TMPRSS4: variants seen among roughly 807,000 people sequenced by gnomAD.
TMPRSS4 encodes transmembrane serine protease 4.
Under a neutral mutation model 56.4 loss-of-function variants are expected in TMPRSS4, and 45 were observed. The ratio of observed to expected loss-of-function variants is 0.80; its 90% confidence interval spans 0.63 to 1.02. The LOEUF (loss-of-function observed/expected upper bound fraction) is 1.02. Ranked by LOEUF, TMPRSS4 falls within the 50% of genes least tolerant of loss-of-function variation. The pLI, the probability that TMPRSS4 is intolerant of heterozygous loss-of-function variation, is 0.00. For synonymous variants in TMPRSS4, 205 were observed against 211.0 expected (o/e 0.97, Z 0.25); for missense variants, 546 against 556.7 (o/e 0.98, Z 0.19).
At chr11:118,090,094 A>G (rs7924314) in intron 1 of TMPRSS4, among the ~76,000 whole-genome samples, 99,732 of 151,986 alleles carry the variant, frequency 0.66, 33,452 homozygotes, top group South Asian at 0.77. Flanking sequence ...CACCCGCCTC[A>G]GCCTCCCAAA....
At chr11:118,085,982 G>T (rs569421338) in intron 1 of TMPRSS4, among the ~76,000 whole-genome samples, 1 of 152,340 alleles carries the variant, frequency 6.6e-6, no homozygotes, top group South Asian at 2.1e-4. Flanking sequence ...ATCGCAGAGG[G>T]ATTCCTAAGC....
chr11:118,104,658 C>G (rs933722390), intron 4 of TMPRSS4, 33 bp from the exon 5 acceptor site: 2 of 1,613,846 alleles, frequency 1.2e-6, no homozygotes, highest in Non-Finnish European at 1.7e-6. Flanking sequence ...TTGGGCCCCC[C>G]GTTCCATCTA....
At chr11:118,113,806 C>G (rs946907069) in intron 9 of TMPRSS4, among the ~76,000 whole-genome samples, 1 of 152,206 alleles carries the variant, frequency 6.6e-6, no homozygotes. Flanking sequence ...GCCAAGGAGT[C>G]ATTGTGCCCC....
At chr11:118,093,341 T>A (rs953483468) in intron 1 of TMPRSS4, among the ~76,000 whole-genome samples, 1 of 152,276 alleles carries the variant, frequency 6.6e-6, no homozygotes, top group South Asian at 2.1e-4. Flanking sequence ...ATGTACAAGG[T>A]CCTGTGACTC....
intron 1 of TMPRSS4, among the ~76,000 whole-genome samples, chr11:118,084,226 A>G (rs1945371302): frequency 1.3e-5 from 2 of 152,160 alleles, no homozygotes; most frequent in Non-Finnish European, 2.9e-5. Context: ...CCTCAGGCCA[A>G]TGAGCAAACA....
At chr11:118,082,648 A>G (rs576995421) in intron 1 of TMPRSS4, among the ~76,000 whole-genome samples, 20 of 152,360 alleles carry the variant, frequency 1.3e-4, no homozygotes, top group African/African-American at 4.6e-4. Flanking sequence ...AGGGAAAACC[A>G]GTAGCTATAA....
chr11:118,108,258 G>C (rs370641500), intron 6 of TMPRSS4: 14 of 186,710 alleles, frequency 7.5e-5, no homozygotes, highest in Middle Eastern at 4.6e-3. Flanking sequence ...TACCCAGCCA[G>C]AGCTCCCCAC....
intron 4 of TMPRSS4, 64 bp from the exon 5 acceptor site, chr11:118,104,627 G>A (rs764218052): frequency 9.4e-5 from 152 of 1,611,844 alleles, no homozygotes; most frequent in Non-Finnish European, 9.8e-5. Flanking sequence ...CTCATGATGA[G>A]TTCTGAGGGG....
downstream of TMPRSS4, chr11:118,125,180 G>A (rs1021274826): frequency 4.3e-5 from 19 of 437,558 alleles, no homozygotes; most frequent in Middle Eastern, 3.3e-4. Context: ...CAGGGCTTCC[G>A]GGAAAGGCTG....
chr11:118,111,866 C>T lies in TMPRSS4; in HGVS notation c.709C>T (p.Pro237Ser). 6.2e-7 allele frequency: 1 copy of T among 1,609,684 alleles called. No individual in the cohort carries two copies. The highest frequency in any genetic ancestry group is 1.1e-5 in the South Asian group (1 of 90,146). The change falls in exon 8 of 13, where the codon CCC (proline) becomes TCC (serine). Residue 237 changes from proline (P) to serine (S), a missense_variant. Pro to Ser is a moderately conservative substitution (Grantham distance 74). Coordinates refer to ENST00000437212, the MANE Select transcript of TMPRSS4 (RefSeq NM_019894.4). ...CGTCTGTGGAGGGAGCATCCTGGACCCCCACTGGGTCCTCACGGCAGCCCA... is the reference window on the plus strand; with the variant it reads ...CGTCTGTGGAGGGAGCATCCTGGACTCCCACTGGGTCCTCACGGCAGCCCA... The part of the protein sequence containing the change: ...QHVCGGSILD[P>S]HWVLTAAHCF...
At chr11:118,094,734 C>T (rs2135339059) in intron 1 of TMPRSS4, 82 bp from the exon 2 acceptor site, 1 of 1,302,604 alleles carries the variant, frequency 7.7e-7, no homozygotes, top group South Asian at 1.3e-5. Flanking sequence ...GGAATGTAGA[C>T]AAGACCCAAG....
intron 5 of TMPRSS4, among the ~76,000 whole-genome samples, chr11:118,105,404 C>G (rs1433604918): frequency 6.6e-6 from 1 of 151,456 alleles, no homozygotes; most frequent in Non-Finnish European, 1.5e-5. Flanking sequence ...GGCAGAAAAC[C>G]AAAAAGATAG....
intron 3 of TMPRSS4, 77 bp from the exon 4 acceptor site, chr11:118,103,024 C>T (rs920207161): frequency 6.4e-6 from 10 of 1,562,974 alleles, no homozygotes; most frequent in African/African-American, 4.0e-5. Context: ...CCAGCACTAT[C>T]GCCAGGAAAA....
At position 118,107,884 on chromosome 11, in the gene TMPRSS4, G is replaced by A. The variant is rs779919165; in HGVS notation, c.542+9G>A. On this transcript the variant is annotated intron_variant, in intron 6 of 12. Transcript: ENST00000437212. ...ATGCGGAACTCAAGTGGGTAAGTGA[G>A]GGGACACCTTCTGGCCTACAGAAGG... 8 of 1,612,678 alleles carry A rather than the reference G, an allele frequency of 5.0e-6. No individual in the cohort carries two copies. In the African/African-American group the frequency reaches 6.7e-5, roughly 13 times the overall value.
At position 118,118,159 on chromosome 11, in the gene TMPRSS4, C is replaced by T; in HGVS notation, c.*246C>T. ...GTGCTCCCAGCATCCCAGGGAGAGA[C>T]ACAGCCCACTGAACAAGGTCTCAGG... is the stretch of plus-strand genomic sequence containing the variant. On this transcript the variant is annotated 3_prime_UTR_variant, in exon 13 of 13. Transcript: ENST00000437212. 2.1e-6 allele frequency: 3 copies of T among 1,416,450 alleles called. No homozygotes were observed. Among genetic ancestry groups the T allele is most frequent in the Non-Finnish European group, 2.8e-6 (3 of 1,089,480 alleles). 87.7% of individuals were successfully genotyped at this position (1,416,450 alleles called of 1,614,324 possible).
At chr11:118,084,266 G>C (rs569202235) in intron 1 of TMPRSS4, among the ~76,000 whole-genome samples, 1 of 152,054 alleles carries the variant, frequency 6.6e-6, no homozygotes, top group Non-Finnish European at 1.5e-5. Flanking sequence ...AGGATTCCAC[G>C]GCCTGTGCTC....
chr11:118,109,866 T>C (rs913747160), intron 7 of TMPRSS4, among the ~76,000 whole-genome samples: 11 of 152,242 alleles, frequency 7.2e-5, no homozygotes, highest in African/African-American at 2.4e-4. Flanking sequence ...GCGTGGGATC[T>C]GACACGTGGT....
At chr11:118,108,771 G>A in intron 6 of TMPRSS4, 85 bp from the exon 7 acceptor site, 1 of 1,442,440 alleles carries the variant, frequency 6.9e-7, no homozygotes. Context: ...GAGGGGACTT[G>A]AATTAACAGC....
chr11:118,114,002 G>A (rs77839878), intron 9 of TMPRSS4, among the ~76,000 whole-genome samples: 4,874 of 152,318 alleles, frequency 0.032, 264 homozygotes, highest in African/African-American at 0.11. Context: ...TAAGTTTGGG[G>A]AACATTTTCA....
Sources: gnomAD v4.1 joint callset for allele counts (sites outside exome capture counted in the v4.1 genomes callset) on GRCh38, gnomAD v4.1.1 for gene constraint, MANE v1.5 for transcripts, NCBI Gene and HGNC (gene_info 2026-07-23, HGNC 2026-07-21) for gene names.